ADD1: variants seen among roughly 807,000 people sequenced by gnomAD.
ADD1 encodes adducin 1.
ADD1 carries 24 observed loss-of-function variants against 80.5 expected under a neutral mutation model. The ratio of observed to expected loss-of-function variants is 0.30; its 90% CI spans 0.22 to 0.42. The LOEUF (loss-of-function observed/expected upper bound fraction) is 0.42. Among genes scored for constraint, ADD1 ranks in the 10% least tolerant of loss-of-function variants. The pLI is 1.00. For synonymous variants in ADD1, 373 were observed against 393.8 expected (o/e 0.95, Z 0.63); for missense variants, 948 against 1,019.0 (o/e 0.93, Z 0.95).
chr4:2,874,561 C>G (rs1730958240), intron 1 of ADD1, among the ~76,000 whole-genome samples: 1 of 149,100 alleles, frequency 6.7e-6, no homozygotes, highest in South Asian at 2.1e-4. Context: ...GAGCCGAGAT[C>G]ATGCCACTGC....
At chr4:2,878,739 A>G (rs1731757189) in intron 2 of ADD1, among the ~76,000 whole-genome samples, 1 of 152,056 alleles carries the variant, frequency 6.6e-6, no homozygotes, top group Non-Finnish European at 1.5e-5. Context: ...GCAGTGAGCT[A>G]TGATTGCACC....
chr4:2,901,590 G>A (rs1284999891), intron 9 of ADD1: 1 of 152,058 alleles, frequency 6.6e-6, no homozygotes, highest in Non-Finnish European at 1.5e-5. Flanking sequence ...ATTTAGCATC[G>A]GGGTTGGCAT....
intron 1 of ADD1, among the ~76,000 whole-genome samples, chr4:2,868,517 G>A (rs1252203777): frequency 1.3e-5 from 2 of 152,164 alleles, no homozygotes; most frequent in Non-Finnish European, 2.9e-5. Context: ...TCCTGACGAT[G>A]CAGTTTCATT....
intron 15 of ADD1, among the ~76,000 whole-genome samples, chr4:2,927,422 G>C (rs541578908): frequency 1.9e-4 from 29 of 152,348 alleles, no homozygotes; most frequent in African/African-American, 6.7e-4. Context: ...CCTGATGTGT[G>C]GCTTGATTTT....
intron 15 of ADD1, among the ~76,000 whole-genome samples, chr4:2,927,920 G>A (rs1712141639): frequency 6.6e-6 from 1 of 152,144 alleles, no homozygotes; most frequent in South Asian, 2.1e-4. Context: ...GGCCTGGGAC[G>A]GAGTCTGGTG....
At chr4:2,869,086 C>T (rs948727271) in intron 1 of ADD1, among the ~76,000 whole-genome samples, 5 of 152,132 alleles carry the variant, frequency 3.3e-5, no homozygotes, top group Non-Finnish European at 7.3e-5. Flanking sequence ...TTCCCCAAGC[C>T]ACCTGGCAGT....
chr4:2,849,320 G>T (rs1726721987), intron 1 of ADD1, among the ~76,000 whole-genome samples: 1 of 152,146 alleles, frequency 6.6e-6, no homozygotes, highest in African/African-American at 2.4e-5. Flanking sequence ...TCATGAGGTT[G>T]GGAAAGAGGG....
At chr4:2,898,934 G>A (rs557752311) in intron 8 of ADD1, 4 of 376,166 alleles carry the variant, frequency 1.1e-5, no homozygotes, top group African/African-American at 2.1e-5. Flanking sequence ...GTTCCCCTCC[G>A]CTCCGTCAGC....
intron 1 of ADD1, among the ~76,000 whole-genome samples, chr4:2,845,081 C>CT (rs59579107): frequency 0.26 from 38,403 of 149,862 alleles, 5,134 homozygotes; most frequent in Non-Finnish European, 0.29. Flanking sequence ...GCGATGATAC[C>CT]TTTTTTTTTT....
At chr4:2,865,360 C>G (rs1729392612) in intron 1 of ADD1, among the ~76,000 whole-genome samples, 1 of 152,156 alleles carries the variant, frequency 6.6e-6, no homozygotes. Context: ...TTAAATGCTT[C>G]CTGCCTAGCT....
intron 4 of ADD1, among the ~76,000 whole-genome samples, chr4:2,885,149 C>T (rs766355357): frequency 6.6e-6 from 1 of 152,178 alleles, no homozygotes; most frequent in Non-Finnish European, 1.5e-5. Flanking sequence ...ATGAGTCCTT[C>T]CCTTGTGGAC....
At chr4:2,889,658 CA>C (rs1733969866) in intron 4 of ADD1, among the ~76,000 whole-genome samples, 1 of 151,866 alleles carries the variant, frequency 6.6e-6, no homozygotes, top group Admixed American at 6.6e-5. Flanking sequence ...CCATCTCTAC[CA>C]AAAAATACAA....
intron 4 of ADD1, among the ~76,000 whole-genome samples, chr4:2,889,675 T>G (rs1733972050): frequency 6.6e-6 from 1 of 151,774 alleles, no homozygotes; most frequent in Non-Finnish European, 1.5e-5. Context: ...TACAAAAAAT[T>G]TGGCCAGGCA....
intron 6 of ADD1, among the ~76,000 whole-genome samples, chr4:2,896,181 C>T (rs912623396): frequency 6.6e-6 from 1 of 151,752 alleles, no homozygotes; most frequent in Non-Finnish European, 1.5e-5. Flanking sequence ...GCCACTGCAC[C>T]CGGCCCAGTA....
chr4:2,914,071 AAAG>A (rs1322210189), intron 13 of ADD1, among the ~76,000 whole-genome samples: 13 of 151,778 alleles, frequency 8.6e-5, no homozygotes, highest in Admixed American at 5.9e-4. Context: ...AAAAAAAAAA[AAAG>A]AAGTGAGCTC....
rs755571624 is a variant in ADD1 at position 2,899,358 on chromosome 4, G to A, written c.1084G>A (p.Glu362Lys). Residue 362 changes from glutamate to lysine, a missense_variant, in exon 9 of 16, where the codon GAA becomes AAA. By Grantham distance (56) the Glu-to-Lys change is moderately conservative. Coordinates refer to ENST00000683351, the MANE Select transcript of ADD1 (RefSeq NM_001354761.2). ...KSRSPGSPVG[E>K]GTGSPPKWQI... The stretch of plus-strand genomic sequence containing the variant: ...CCGTTCCCCAGGGTCTCCGGTAGGG[G>A]AAGGCACTGGATCGCCTCCCAAGTG... 20 of 1,614,230 alleles carry A rather than the reference G, an allele frequency of 1.2e-5. No homozygotes were observed. The highest frequency in any genetic ancestry group is 1.7e-5 in the Non-Finnish European group (20 of 1,180,032).
At position 2,915,033 on chromosome 4, in the gene ADD1, C is replaced by T. The variant is rs1025667722; in HGVS notation, c.1941C>T (p.Gly647=). Residue 647 remains glycine (G), a synonymous_variant, in exon 14 of 16, where the codon GGC becomes GGT. Coordinates refer to ENST00000683351, the MANE Select transcript of ADD1 (RefSeq NM_001354761.2). Reference sequence around the variant, plus strand: ...GGGAGGTGGAGAGGAAGCAGAAGGGCTCTGAAGGTGAGTGCTTGTGGTCCT... The same window carrying T: ...GGGAGGTGGAGAGGAAGCAGAAGGGTTCTGAAGGTGAGTGCTTGTGGTCCT... ...YRREVERKQK[G]SEENLDEARE... is the part of the protein sequence containing the mutation. The T allele has an allele frequency of 6.2e-7, 1 of 1,611,812 alleles. No individual in the cohort carries two copies. The highest frequency in any genetic ancestry group is 8.5e-7 in the Non-Finnish European group (1 of 1,178,850).
At chr4:2,872,017 T>A (rs1296592473) in intron 1 of ADD1, among the ~76,000 whole-genome samples, 1 of 152,158 alleles carries the variant, frequency 6.6e-6, no homozygotes, top group Non-Finnish European at 1.5e-5. Flanking sequence ...TGGCCAAGTT[T>A]TAGAGAATGG....
intron 4 of ADD1, among the ~76,000 whole-genome samples, chr4:2,891,372 G>A (rs556033378): frequency 1.0e-3 from 152 of 152,086 alleles, no homozygotes; most frequent in African/African-American, 3.5e-3. Flanking sequence ...GCTTGAACCC[G>A]GGAGGCAAAG....
Sources: allele counts gnomAD v4.1 joint callset (sites outside exome capture counted in the v4.1 genomes callset), GRCh38; gene constraint gnomAD v4.1.1; transcripts MANE v1.5; gene names NCBI Gene and HGNC (gene_info 2026-07-23, HGNC 2026-07-21).